NAA16: variants seen among roughly 807,000 people sequenced by gnomAD.
NAA16 encodes the protein N-alpha-acetyltransferase 16, NatA auxiliary subunit.
Under a neutral mutation model 110.3 loss-of-function variants are expected in NAA16, and 97 were observed. The observed-to-expected ratio is 0.88, with a 90% confidence interval of 0.75 to 1.04. The LOEUF (loss-of-function observed/expected upper bound fraction) is 1.04. Among genes scored for constraint, NAA16 ranks in the 50% least tolerant of loss-of-function variants. NAA16 has a pLI of 0.00. For missense variants in NAA16, 1,017 were observed against 1,005.1 expected (o/e 1.01, Z -0.16); for synonymous variants, 372 against 330.6 (o/e 1.13, Z -1.36).
In NAA16 at chr13:41,311,581, T is replaced by C. The variant is rs371503661; in HGVS notation, c.53T>C (p.Leu18Ser). Residue 18 changes from leucine to serine, a missense_variant and splice_region_variant, in exon 1 of 20, where the codon TTG (leucine) becomes TCG (serine). Leu to Ser is a moderately radical substitution (Grantham distance 145). Coordinates refer to ENST00000379406, the MANE Select transcript of NAA16 (RefSeq NM_024561.5). ...PKESNLFKRI[L>S]KCYEQKQYKN... The stretch of plus-strand genomic sequence containing the variant: ...GAGAGCAACCTCTTCAAACGCATCT[T>C]GGTGAGTGGCCGTAGGCCGCGCTGC... The C allele has an allele frequency of 1.0e-5, 16 of 1,607,132 alleles. No individual in the cohort carries two copies. The highest frequency in any genetic ancestry group is 1.3e-5 in the Non-Finnish European group (15 of 1,177,238).
At chr13:41,330,665 A>C (rs2042215140) in intron 7 of NAA16, among the ~76,000 whole-genome samples, 4 of 152,038 alleles carry the variant, frequency 2.6e-5, no homozygotes. Flanking sequence ...TACATCCTTT[A>C]TGTGGTACTA....
chr13:41,374,658 A>G, intron 18 of NAA16, 84 bp from the exon 19 acceptor site: 2 of 898,056 alleles, frequency 2.2e-6, no homozygotes, highest in Non-Finnish European at 3.5e-6. Flanking sequence ...ACTTAAAACC[A>G]TATTTGAAGT....
At chr13:41,353,114 C>CAAAACAAAAT (rs1353574831) in intron 9 of NAA16, among the ~76,000 whole-genome samples, 46 of 1,386 alleles carry the variant, frequency 0.033, no homozygotes, top group East Asian at 0.21. Flanking sequence ...GACTCCATCT[C>CAAAACAAAAT]AAAACAAAAC....
chr13:41,372,370 T>A, intron 16 of NAA16, 59 bp downstream of exon 16: 1 of 1,492,764 alleles, frequency 6.7e-7, no homozygotes, highest in South Asian at 1.4e-5. Context: ...CCATATTCAG[T>A]GTAATCTTTG....
chr13:41,318,774 T>G, intron 2 of NAA16, 32 bp from the exon 3 acceptor site: 1 of 1,259,370 alleles, frequency 7.9e-7, no homozygotes, highest in Non-Finnish European at 1.1e-6. Context: ...TTTTGTGTCA[T>G]TTGTAAATAG....
chr13:41,363,826 G>C (rs1399929159), intron 13 of NAA16, among the ~76,000 whole-genome samples: 1 of 152,040 alleles, frequency 6.6e-6, no homozygotes, highest in Non-Finnish European at 1.5e-5. Context: ...GAAAGAAGTA[G>C]AAACATAAAC....
At chr13:41,324,712 G>T (rs569267215) in intron 5 of NAA16, among the ~76,000 whole-genome samples, 2 of 150,808 alleles carry the variant, frequency 1.3e-5, no homozygotes, top group East Asian at 3.9e-4. Context: ...TTTTTCTAGA[G>T]ACAGGATCTG....
In NAA16 at chr13:41,320,790, T is replaced by G; in HGVS notation, c.368T>G (p.Leu123Trp). Residue 123 changes from leucine to tryptophan, a missense_variant, in exon 4 of 20, where the codon TTG becomes TGG. Transcript: ENST00000379406. ...CAAATTTTGAGGGATCTCTCACTGT[T>G]GCAGATCCAAATGAGAGACCTTGAA... The part of the protein sequence containing the change: ...NLQILRDLSL[L>W]QIQMRDLEGY... 6.2e-7 allele frequency: 1 copy of G among 1,612,062 alleles called. No individual in the cohort carries two copies. The highest frequency in any genetic ancestry group is 8.5e-7 in the Non-Finnish European group (1 of 1,179,494).
At chr13:41,340,519 G>T (rs577791103) in intron 9 of NAA16, among the ~76,000 whole-genome samples, 5 of 151,890 alleles carry the variant, frequency 3.3e-5, no homozygotes, top group Non-Finnish European at 7.4e-5. Flanking sequence ...AGAGATCGTG[G>T]TATGTTTTGT....
intron 9 of NAA16, 56 bp from the exon 10 acceptor site, chr13:41,355,088 G>T (rs1316655991): frequency 1.8e-6 from 2 of 1,102,868 alleles, no homozygotes; most frequent in Non-Finnish European, 2.7e-6. Context: ...ACCATAATAG[G>T]TAAAAATACC....
chr13:41,366,549 T>G (rs1397299950), intron 13 of NAA16, among the ~76,000 whole-genome samples: 1 of 152,114 alleles, frequency 6.6e-6, no homozygotes, highest in Non-Finnish European at 1.5e-5. Flanking sequence ...GGCAGAGGGT[T>G]AGTGTTCACC....
intron 1 of NAA16, among the ~76,000 whole-genome samples, chr13:41,315,352 T>C (rs1043491660): frequency 2.6e-5 from 4 of 151,868 alleles, no homozygotes; most frequent in African/African-American, 7.3e-5. Flanking sequence ...CAGGGAAGAG[T>C]GGAAAGCAAT....
chr13:41,345,866 G>T (rs1290857610), intron 9 of NAA16, among the ~76,000 whole-genome samples: 1 of 152,198 alleles, frequency 6.6e-6, no homozygotes, highest in Non-Finnish European at 1.5e-5. Context: ...GAGCCAGCAC[G>T]CCGGGCCAGA....
chr13:41,354,532 C>G (rs1056457452), intron 9 of NAA16: 6 of 152,146 alleles, frequency 3.9e-5, no homozygotes, highest in African/African-American at 1.4e-4. Context: ...CCAGTTTTCA[C>G]AAAACAATGA....
intron 1 of NAA16, 64 bp downstream of exon 1, chr13:41,311,646 C>G: frequency 6.7e-7 from 1 of 1,492,714 alleles, no homozygotes; most frequent in South Asian, 1.2e-5. Context: ...TAAGGGCAAG[C>G]GGTCTGGCGG....
chr13:41,328,315 G>A (rs2042146145), intron 6 of NAA16, among the ~76,000 whole-genome samples: 1 of 152,002 alleles, frequency 6.6e-6, no homozygotes, highest in Admixed American at 6.6e-5. Context: ...AGAATTGAGT[G>A]GAGAATTAAT....
chr13:41,355,510 A>G (rs1159034933), intron 10 of NAA16, among the ~76,000 whole-genome samples: 3 of 152,184 alleles, frequency 2.0e-5, no homozygotes, highest in East Asian at 1.9e-4. Context: ...GCTCACTGCA[A>G]CCTCCGCCTC....
rs369433548 is a variant in NAA16, at chr13:41,331,254, C to A, written c.812-20C>A. On this transcript the variant is annotated intron_variant, in intron 7 of 19. Coordinates refer to ENST00000379406, the MANE Select transcript of NAA16 (RefSeq NM_024561.5). Reference sequence around the variant, plus strand: ...AAAAGTTTTGATGCTATGAATCTCACCCATATTTACTGATAATAGGCACTT... The same window carrying A: ...AAAAGTTTTGATGCTATGAATCTCAACCATATTTACTGATAATAGGCACTT... 4.5e-5 allele frequency: 65 copies of A among 1,459,956 alleles called. No individual in the cohort carries two copies. The highest frequency in any genetic ancestry group is 5.8e-5 in the Non-Finnish European group (61 of 1,051,224). 90.4% of individuals were successfully genotyped at this position (1,459,956 alleles called of 1,614,324 possible).
intron 9 of NAA16, among the ~76,000 whole-genome samples, chr13:41,343,263 T>C (rs2042599711): frequency 6.6e-6 from 1 of 152,102 alleles, no homozygotes; most frequent in African/African-American, 2.4e-5. Flanking sequence ...TAGTTAATTT[T>C]TTAATTTGTA....
Sources: gnomAD v4.1 joint callset for allele counts (sites outside exome capture counted in the v4.1 genomes callset) on GRCh38, gnomAD v4.1.1 for gene constraint, MANE v1.5 for transcripts, NCBI Gene and HGNC (gene_info 2026-07-23, HGNC 2026-07-21) for gene names.